The following PAK1 variants were observed in gnomAD, a reference collection of about 807,000 sequenced individuals.
PAK1 encodes the protein p21 (RAC1) activated kinase 1.
A neutral mutation model predicts 67.4 loss-of-function variants in PAK1; 29 were observed. The observed-to-expected ratio is 0.43, with a 90% CI of 0.32 to 0.59. PAK1 has a LOEUF of 0.59. PAK1 is among the 20% of genes least tolerant of loss of function. The probability of loss-of-function intolerance (pLI) is 0.07; values close to 1 mark genes in which losing one functional copy is unlikely to be tolerated. For synonymous variants in PAK1, 223 were observed against 237.4 expected, an observed-to-expected ratio of 0.94 and a Z score of 0.56; for missense variants, 337 against 670.7, an observed-to-expected ratio of 0.50 and a Z score of 5.50.
At chr11:77,415,264 G>A (rs1021864988) in intron 1 of PAK1, among the ~76,000 whole-genome samples, 1 of 152,210 alleles carries the variant, frequency 6.6e-6, no homozygotes, top group Non-Finnish European at 1.5e-5. Context: ...GAACTCTCTC[G>A]TTCATTGCTG....
chr11:77,336,368 G>C, intron 12 of PAK1, 86 bp from the exon 13 acceptor site: 1 of 978,598 alleles, frequency 1.0e-6, no homozygotes, highest in Non-Finnish European at 1.5e-6. Context: ...ACACATAGGT[G>C]ACAAGATCCG....
In PAK1 at chr11:77,327,931, T is replaced by A. The variant is rs182555198; in HGVS notation, c.1552-4571A>T. Reference sequence around the variant, plus strand: ...CACACATAGGCTCAAAATAAAGGGATGGAGGAAGATCTACCAAGCAAATGG... The same window carrying A: ...CACACATAGGCTCAAAATAAAGGGAAGGAGGAAGATCTACCAAGCAAATGG... On this transcript the variant is annotated intron_variant, in intron 14 of 14. Transcript: ENST00000356341. Among the ~76,000 whole-genome samples, 214 of 152,156 alleles carry A rather than the reference T, an allele frequency of 1.4e-3. 1 individual carries two copies. The highest frequency in any genetic ancestry group is 4.8e-3 in the African/African-American group (201 of 41,482).
rs117669181 is a variant in PAK1, at chr11:77,322,957, T to C, written c.*317A>G. On this transcript the variant is annotated 3_prime_UTR_variant, in exon 15 of 15. Transcript: ENST00000356341. ...AAGAATTAATTGTGGGAGATGGTTA[T>C]GAAGGAGGTGAGGATTTTGACACAC... The C allele has an allele frequency of 1.1e-3, 659 of 592,254 alleles. 1 individual carries two copies. Among genetic ancestry groups the C allele is most frequent in the Non-Finnish European group, 1.7e-3 (575 of 334,386 alleles). 36.7% of individuals were successfully genotyped at this position (592,254 alleles called of 1,614,324 possible).
chr11:77,414,555 A>G (rs1274174404), intron 1 of PAK1, among the ~76,000 whole-genome samples: 3 of 152,280 alleles, frequency 2.0e-5, no homozygotes, highest in Admixed American at 1.3e-4. Context: ...AAACATAAAT[A>G]GATCAGTGGA....
upstream of PAK1, chr11:77,474,102 G>GCGTACAATATTGTAC (rs1958009109): frequency 6.6e-6 from 1 of 152,314 alleles, no homozygotes. Context: ...TACGCCGCCC[G>GCGTACAATATTGTAC]GCAGGCCTGA....
the PAK1 span, among the ~76,000 whole-genome samples, chr11:77,486,047 C>T: frequency 3.9e-5 from 6 of 152,164 alleles, no homozygotes; most frequent in Non-Finnish European, 4.4e-5. Flanking sequence ...ATCTCATTTC[C>T]TTTTAAATCC....
chr11:77,504,278 T>C, the PAK1 span, among the ~76,000 whole-genome samples: 1 of 150,678 alleles, frequency 6.6e-6, no homozygotes, highest in Non-Finnish European at 1.5e-5. Flanking sequence ...AACTACACTT[T>C]CTAAAGCAAA....
chr11:77,510,347 C>CA, the PAK1 span, among the ~76,000 whole-genome samples: 3 of 152,214 alleles, frequency 2.0e-5, no homozygotes, highest in Non-Finnish European at 2.9e-5. Context: ...GCTATTTAAA[C>CA]AACTTGCAAC....
the PAK1 span, among the ~76,000 whole-genome samples, chr11:77,517,293 T>C: frequency 6.6e-6 from 1 of 152,168 alleles, no homozygotes; most frequent in African/African-American, 2.4e-5. Flanking sequence ...ATGTGCCCAG[T>C]TTGAGTCATG....
intron 6 of PAK1, 37 bp downstream of exon 6, chr11:77,358,861 A>G (rs1946395906): frequency 6.2e-7 from 1 of 1,610,928 alleles, no homozygotes; most frequent in African/African-American, 1.3e-5. Flanking sequence ...ACTTACTCTA[A>G]TAAATCACAA....
chr11:77,432,788 A>G (rs933669412), intron 1 of PAK1, among the ~76,000 whole-genome samples: 1 of 152,204 alleles, frequency 6.6e-6, no homozygotes, highest in African/African-American at 2.4e-5. Context: ...TACAAAAATC[A>G]ACTGTATTTC....
At chr11:77,391,533 C>A (rs976161069) in intron 2 of PAK1, among the ~76,000 whole-genome samples, 10 of 152,150 alleles carry the variant, frequency 6.6e-5, no homozygotes, top group African/African-American at 2.4e-4. Flanking sequence ...CTTTAGCATG[C>A]CATAAGAACA....
At chr11:77,502,241 T>C in the PAK1 span, among the ~76,000 whole-genome samples, 2 of 152,214 alleles carry the variant, frequency 1.3e-5, no homozygotes, top group Admixed American at 1.3e-4. Context: ...TCAACAAATA[T>C]TTATCCAGGA....
At chr11:77,455,709 G>A (rs746356706) in intron 1 of PAK1, among the ~76,000 whole-genome samples, 5 of 152,174 alleles carry the variant, frequency 3.3e-5, no homozygotes, top group Non-Finnish European at 5.9e-5. Flanking sequence ...TGACAAATAA[G>A]ATAGCATATA....
At chr11:77,474,457 C>T (rs1023047509), upstream of PAK1, 1 of 152,226 alleles carries the variant, frequency 6.6e-6, no homozygotes, top group African/African-American at 2.4e-5. Flanking sequence ...CGGGTTGTTT[C>T]CGTGCAGCCT....
At position 77,323,058 on chromosome 11, in the gene PAK1, C is replaced by T. The variant is rs1458855268; in HGVS notation, c.*216G>A. The T allele has an allele frequency of 4.8e-6, 4 of 828,804 alleles. No individual in the cohort carries two copies. In the East Asian group the frequency reaches 7.9e-5, roughly 16 times the overall value. 51.3% of individuals were successfully genotyped at this position (828,804 alleles called of 1,614,324 possible). On this transcript the variant is annotated 3_prime_UTR_variant, in exon 15 of 15. Transcript: ENST00000356341. ...CATATCCATGAATTGGGAGGAAATTCCTTATTTAGAAATGGCCATCATCTG... is the reference window on the plus strand; with the variant it reads ...CATATCCATGAATTGGGAGGAAATTTCTTATTTAGAAATGGCCATCATCTG...
chr11:77,358,763 G>A (rs191145194), intron 6 of PAK1, 135 bp downstream of exon 6: 304 of 804,486 alleles, frequency 3.8e-4, no homozygotes, highest in Non-Finnish European at 5.5e-4. Flanking sequence ...AGTCAAGGTA[G>A]TTCAGTGATT....
chr11:77,520,002 G>GCCCCCCCCC, the PAK1 span, among the ~76,000 whole-genome samples: 1 of 151,306 alleles, frequency 6.6e-6, no homozygotes, highest in Non-Finnish European at 1.5e-5. Flanking sequence ...CTGGCCTGTG[G>GCCCCCCCCC]CCCCCCCCTC....
intron 1 of PAK1, among the ~76,000 whole-genome samples, chr11:77,411,401 C>T (rs1954505138): frequency 1.3e-5 from 2 of 151,838 alleles, no homozygotes; most frequent in South Asian, 4.2e-4. Flanking sequence ...CCTCTTAACA[C>T]AGAAAAGCCC....
Sources: allele counts gnomAD v4.1 joint callset (sites outside exome capture counted in the v4.1 genomes callset), GRCh38; gene constraint gnomAD v4.1.1; transcripts MANE v1.5; gene names NCBI Gene and HGNC (gene_info 2026-07-23, HGNC 2026-07-21).